Variants in RCL1 observed in about 807,000 individuals in gnomAD.
The protein encoded by RCL1 is RNA terminal phosphate cyclase like 1, also known as RNA 3'-terminal phosphate cyclase-like protein.
Under a neutral mutation model 42.4 loss-of-function variants are expected in RCL1, and 24 were observed. The observed-to-expected ratio is 0.57, with a 90% CI of 0.41 to 0.80. The LOEUF (loss-of-function observed/expected upper bound fraction) is 0.80. Ranked by LOEUF, RCL1 falls within the 30% of genes least tolerant of loss-of-function variation. The probability of loss-of-function intolerance (pLI) is 0.00; values close to 1 mark genes in which losing one functional copy is unlikely to be tolerated. For missense variants in RCL1, 578 were observed against 467.9 expected (o/e 1.24, Z -2.17); for synonymous variants, 228 against 177.3 (o/e 1.29, Z -2.27).
chr9:4,826,997 TC>T lies in RCL1; in HGVS notation c.349del (p.Leu117TyrfsTer4). 2 of 1,614,184 alleles carry T rather than the reference TC, an allele frequency of 1.2e-6. No homozygotes were observed. The highest frequency in any genetic ancestry group is 1.7e-6 in the Non-Finnish European group (2 of 1,180,034). On this transcript the variant is annotated frameshift_variant, in exon 3 of 9. Coordinates refer to ENST00000381750, the MANE Select transcript of RCL1 (RefSeq NM_005772.5). LOFTEE classifies it high-confidence loss of function. ...PFMKHPLKIVLRGVTNDQVDP... is the reference protein window; with the variant it reads ...PFMKHPLKIVXRGVTNDQVDP... ...TTATGAAGCACCCGTTAAAAATAGT[TC>T]TACGAGGAGTGACCAATGATCAGGT...
intron 1 of RCL1, among the ~76,000 whole-genome samples, chr9:4,812,143 C>G (rs1587701588): frequency 1.3e-5 from 2 of 152,048 alleles, no homozygotes; most frequent in Non-Finnish European, 2.9e-5. Context: ...TAGCTTCACT[C>G]CAATGGTTTC....
intron 1 of RCL1, among the ~76,000 whole-genome samples, chr9:4,815,776 A>T (rs1165905222): frequency 6.6e-6 from 1 of 152,112 alleles, no homozygotes; most frequent in East Asian, 1.9e-4. Context: ...ACAGCTACGT[A>T]TGTATACTCC....
At chr9:4,823,734 C>T in intron 2 of RCL1, 115 bp downstream of exon 2, 1 of 668,208 alleles carries the variant, frequency 1.5e-6, no homozygotes, top group Non-Finnish European at 2.6e-6. Context: ...CCAAATCACT[C>T]TTTTTAATGG....
At position 4,831,640 on chromosome 9, in the gene RCL1, A is replaced by AT. The variant is rs35842041; in HGVS notation, c.385-1505dup. 5.2e-3 allele frequency among the ~76,000 whole-genome samples: 789 copies of AT among 151,432 alleles called. 9 individuals are homozygous for AT. Among genetic ancestry groups the AT allele is most frequent in the African/African-American group, 0.018 (725 of 41,166 alleles). On this transcript the variant is annotated intron_variant, in intron 3 of 8. Coordinates refer to ENST00000381750, the MANE Select transcript of RCL1 (RefSeq NM_005772.5). ...CACAGGCGTGCAGCATGCCCAGCTTATTTTTTTTTAGTAGAGATGAGGTCT... is the reference window on the plus strand; with the variant it reads ...CACAGGCGTGCAGCATGCCCAGCTTATTTTTTTTTTAGTAGAGATGAGGTCT...
At chr9:4,819,461 A>G (rs1425137485) in intron 1 of RCL1, among the ~76,000 whole-genome samples, 2 of 152,232 alleles carry the variant, frequency 1.3e-5, no homozygotes, top group Non-Finnish European at 2.9e-5. Flanking sequence ...ATGTACATAT[A>G]TGTACACTTG....
chr9:4,807,417 T>C (rs1402032355), intron 1 of RCL1, among the ~76,000 whole-genome samples: 1 of 152,250 alleles, frequency 6.6e-6, no homozygotes, highest in African/African-American at 2.4e-5. Flanking sequence ...AACATTGCCT[T>C]AGTTGTATCC....
At chr9:4,807,601 C>A (rs1816021778) in intron 1 of RCL1, among the ~76,000 whole-genome samples, 1 of 152,178 alleles carries the variant, frequency 6.6e-6, no homozygotes, top group Non-Finnish European at 1.5e-5. Flanking sequence ...CTCACCACAA[C>A]CTTCGCCTCC....
intron 8 of RCL1, among the ~76,000 whole-genome samples, chr9:4,856,957 A>T (rs1817981984): frequency 6.6e-6 from 1 of 152,134 alleles, no homozygotes; most frequent in East Asian, 1.9e-4. Context: ...GCACAGAGGG[A>T]TGGGGATGGG....
intron 8 of RCL1, among the ~76,000 whole-genome samples, chr9:4,855,941 T>C (rs776822624): frequency 6.6e-6 from 1 of 152,194 alleles, no homozygotes; most frequent in Admixed American, 6.5e-5. Context: ...TGAGGGCCCG[T>C]AGAAATTCTG....
At chr9:4,830,151 C>G (rs1816900585) in intron 3 of RCL1, among the ~76,000 whole-genome samples, 1 of 152,160 alleles carries the variant, frequency 6.6e-6, no homozygotes, top group African/African-American at 2.4e-5. Context: ...TTGAGTCAGA[C>G]TGAGCAGTGA....
chr9:4,828,396 A>G (rs1347880721), intron 3 of RCL1, among the ~76,000 whole-genome samples: 1 of 152,196 alleles, frequency 6.6e-6, no homozygotes, highest in Non-Finnish European at 1.5e-5. Context: ...CATTGTTAAT[A>G]TGTTCTTAGG....
At chr9:4,849,614 C>A in intron 8 of RCL1, 64 bp downstream of exon 8, 1 of 1,226,076 alleles carries the variant, frequency 8.2e-7, no homozygotes, top group Non-Finnish European at 1.2e-6. Context: ...CCCAAAATGA[C>A]AAAGGGTGTT....
At chr9:4,805,093 C>G (rs1002962857) in intron 1 of RCL1, 2 of 152,338 alleles carry the variant, frequency 1.3e-5, no homozygotes, top group Admixed American at 6.5e-5. Flanking sequence ...CTCAGGAGCC[C>G]GAAGCAGCAG....
intron 1 of RCL1, among the ~76,000 whole-genome samples, chr9:4,819,280 G>A (rs1235883308): frequency 2.0e-5 from 3 of 152,202 alleles, no homozygotes; most frequent in Non-Finnish European, 2.9e-5. Context: ...GTTCACAATA[G>A]GGTTCATGGT....
chr9:4,858,390 C>T (rs1279757253), intron 8 of RCL1, among the ~76,000 whole-genome samples: 2 of 152,076 alleles, frequency 1.3e-5, no homozygotes, highest in African/African-American at 4.8e-5. Context: ...CTCTTATTGC[C>T]ATCCTTTTGG....
At chr9:4,827,714 A>G (rs1816805913) in intron 3 of RCL1, among the ~76,000 whole-genome samples, 1 of 150,234 alleles carries the variant, frequency 6.7e-6, no homozygotes, top group South Asian at 2.1e-4. Flanking sequence ...AACTGTCTTA[A>G]TGCCATTCTA....
At chr9:4,805,615 G>T (rs759044709) in intron 1 of RCL1, among the ~76,000 whole-genome samples, 1 of 152,216 alleles carries the variant, frequency 6.6e-6, no homozygotes, top group Non-Finnish European at 1.5e-5. Flanking sequence ...TGACTCATCA[G>T]TTCCCTCATG....
rs1009676635 is a variant in RCL1, at chr9:4,823,272, G to T, written c.137-276G>T. 1.1e-3 allele frequency among the ~76,000 whole-genome samples: 148 copies of T among 134,544 alleles called. 1 individual carries two copies. Among genetic ancestry groups the T allele is most frequent in the Non-Finnish European group, 1.6e-3 (101 of 64,714 alleles). The allele number at this position is 134,544 out of a possible 152,430, so 88.3% of individuals were successfully genotyped here. ...GAAAGTAATATCCCATTAGATTGCT[G>T]GTGGAGCTATTTTTTTTTTTTTTTT... On this transcript the variant is annotated intron_variant, in intron 1 of 8. Transcript: ENST00000381750.
intron 1 of RCL1, among the ~76,000 whole-genome samples, chr9:4,820,748 A>G (rs1297237528): frequency 1.3e-5 from 2 of 152,240 alleles, no homozygotes; most frequent in Non-Finnish European, 2.9e-5. Flanking sequence ...CTAAGTAGAA[A>G]GTGGCATTGT....
Sources: gnomAD v4.1 joint callset for allele counts (sites outside exome capture counted in the v4.1 genomes callset) on GRCh38, gnomAD v4.1.1 for gene constraint, MANE v1.5 for transcripts, NCBI Gene and HGNC (gene_info 2026-07-23, HGNC 2026-07-21) for gene names.